Variants in UGGT2 observed in about 807,000 individuals in gnomAD.
The protein encoded by UGGT2 is UDP-glucose:glycoprotein glucosyltransferase 2.
UGGT2 carries 180 observed loss-of-function variants against 192.1 expected under a neutral mutation model. The observed-to-expected ratio is 0.94, with a 90% confidence interval of 0.83 to 1.06. The LOEUF (loss-of-function observed/expected upper bound fraction) is 1.06, where lower values mean the gene tolerates loss of function less well. Ranked by LOEUF, UGGT2 falls within the 50% of genes least tolerant of loss-of-function variation. UGGT2 has a pLI of 0.00. For synonymous variants in UGGT2, 580 were observed against 591.0 expected, an observed-to-expected ratio of 0.98 and a Z score of 0.27; for missense variants, 1,849 against 1,795.7, an observed-to-expected ratio of 1.03 and a Z score of -0.54.
At chr13:95,828,711 C>T (rs1298418039) in intron 38 of UGGT2, among the ~76,000 whole-genome samples, 8 of 152,036 alleles carry the variant, frequency 5.3e-5, no homozygotes, top group East Asian at 3.9e-4. Flanking sequence ...CAGGACCAGA[C>T]GGATTCACAG....
chr13:95,959,154 G>C (rs1006448705), intron 12 of UGGT2, among the ~76,000 whole-genome samples: 1 of 152,198 alleles, frequency 6.6e-6, no homozygotes, highest in African/African-American at 2.4e-5. Flanking sequence ...CTAGGGCCAA[G>C]GCAGAACCAC....
intron 29 of UGGT2, among the ~76,000 whole-genome samples, chr13:95,875,397 CTT>C (rs1227362767): frequency 6.6e-6 from 1 of 152,120 alleles, no homozygotes; most frequent in Non-Finnish European, 1.5e-5. Context: ...TTTTCATTCT[CTT>C]TTTCAGTCAT....
chr13:95,975,259 A>G (rs1232994452), intron 10 of UGGT2, among the ~76,000 whole-genome samples: 2 of 152,198 alleles, frequency 1.3e-5, no homozygotes, highest in African/African-American at 2.4e-5. Flanking sequence ...TTAAGGGCCA[A>G]TCTCAGAAGA....
chr13:95,816,696 A>T (rs957577839), intron 38 of UGGT2, among the ~76,000 whole-genome samples: 23 of 152,262 alleles, frequency 1.5e-4, no homozygotes, highest in Non-Finnish European at 2.9e-4. Flanking sequence ...AACAGAAAGC[A>T]GCTTAGTGAT....
intron 15 of UGGT2, among the ~76,000 whole-genome samples, chr13:95,941,134 T>C (rs1363077842): frequency 1.3e-5 from 2 of 152,174 alleles, no homozygotes; most frequent in Non-Finnish European, 2.9e-5. Context: ...TCAGCTAGCA[T>C]TAAGACATTC....
chr13:95,867,098 G>T (rs2140112225), intron 30 of UGGT2, among the ~76,000 whole-genome samples: 1 of 152,014 alleles, frequency 6.6e-6, no homozygotes, highest in African/African-American at 2.4e-5. Flanking sequence ...GCTACAGATA[G>T]ATTTAGTAGA....
At chr13:95,922,738 G>C (rs193141263) in intron 20 of UGGT2, among the ~76,000 whole-genome samples, 5 of 151,966 alleles carry the variant, frequency 3.3e-5, no homozygotes, top group African/African-American at 1.2e-4. Context: ...TGGGAGGATT[G>C]CTTGAGCCCA....
chr13:95,903,972 T>A (rs1014056115), intron 20 of UGGT2, among the ~76,000 whole-genome samples: 2 of 152,214 alleles, frequency 1.3e-5, no homozygotes, highest in Admixed American at 6.5e-5. Context: ...ATACTAAACA[T>A]CCTTTGATAT....
In UGGT2 at chr13:95,890,954, T is replaced by C. The variant is rs765016103; in HGVS notation, c.2866A>G (p.Thr956Ala). ...FLRENHSVIKTNPQENDMFFN... is the reference protein window; with the variant it reads ...FLRENHSVIKANPQENDMFFN... The stretch of plus-strand genomic sequence containing the variant: ...AACATATCATTCTCTTGAGGATTCG[T>C]CTTTATAACACTAAGAAAATAGAAA... Residue 956 changes from threonine to alanine, a missense_variant, in exon 25 of 39, where the codon ACG (threonine) becomes GCG (alanine). Transcript: ENST00000376747. 1.5e-5 allele frequency: 24 copies of C among 1,608,736 alleles called. No individual in the cohort carries two copies. The highest frequency in any genetic ancestry group is 2.7e-5 in the African/African-American group (2 of 74,758).
chr13:95,915,462 A>G (rs925547302), intron 20 of UGGT2, among the ~76,000 whole-genome samples: 1 of 152,256 alleles, frequency 6.6e-6, no homozygotes, highest in Non-Finnish European at 1.5e-5. Context: ...TAATATTGTA[A>G]ACTAATATAT....
chr13:95,944,490 C>T (rs2049798482), intron 15 of UGGT2, among the ~76,000 whole-genome samples: 1 of 151,978 alleles, frequency 6.6e-6, no homozygotes, highest in Non-Finnish European at 1.5e-5. Context: ...ATGATGTACC[C>T]ATCTCTGAGC....
At chr13:96,006,251 A>G (rs566332704) in intron 5 of UGGT2, among the ~76,000 whole-genome samples, 76 of 152,340 alleles carry the variant, frequency 5.0e-4, no homozygotes, top group African/African-American at 1.8e-3. Flanking sequence ...GCCAAATGGC[A>G]ATGATAGAAA....
intron 36 of UGGT2, among the ~76,000 whole-genome samples, chr13:95,844,746 T>C (rs138227019): frequency 1.3e-3 from 194 of 152,342 alleles, no homozygotes; most frequent in Non-Finnish European, 1.8e-3. Context: ...AGACAGCCAG[T>C]TTTACTTATT....
intron 34 of UGGT2, 91 bp downstream of exon 34, chr13:95,856,067 T>C (rs1889580957): frequency 9.2e-7 from 1 of 1,086,754 alleles, no homozygotes. Flanking sequence ...ATGAAGATAA[T>C]AAACATGAGC....
intron 20 of UGGT2, among the ~76,000 whole-genome samples, chr13:95,921,296 A>G (rs2048837127): frequency 6.6e-6 from 1 of 151,332 alleles, no homozygotes; most frequent in African/African-American, 2.4e-5. Context: ...CCACCATAGC[A>G]TACGTTTATC....
At chr13:95,879,442 G>A (rs916173776) in intron 27 of UGGT2, among the ~76,000 whole-genome samples, 3 of 152,118 alleles carry the variant, frequency 2.0e-5, no homozygotes, top group Middle Eastern at 3.4e-3. Context: ...TTATTTATTT[G>A]TTTGTTTGTT....
chr13:96,008,602 C>T (rs2052056653), intron 5 of UGGT2, among the ~76,000 whole-genome samples: 1 of 152,068 alleles, frequency 6.6e-6, no homozygotes, highest in Non-Finnish European at 1.5e-5. Flanking sequence ...AAACTGGCAG[C>T]CAAATCAGGA....
rs1891786750 is a variant in UGGT2, at chr13:95,877,287, T to C, written c.3465A>G (p.Gln1155=). ...LHQGKSEDIY[Q]IVGHEGTDSQ... is the part of the protein sequence containing the mutation. ...CAGCCTGCATAACTCACCCAACTAT[T>C]TGATAAATATCTTCAGATTTTCCTT... The change falls in exon 29 of 39, where the codon CAA becomes CAG. Residue 1155 remains glutamine (Q), a synonymous_variant. Coordinates refer to ENST00000376747, the MANE Select transcript of UGGT2 (RefSeq NM_020121.4). The C allele has an allele frequency of 5.0e-6, 8 of 1,594,418 alleles. No individual in the cohort carries two copies. In the East Asian group the frequency reaches 1.8e-4, roughly 36 times the overall value.
intron 5 of UGGT2, among the ~76,000 whole-genome samples, chr13:96,010,022 G>C (rs747015947): frequency 6.6e-6 from 1 of 152,102 alleles, no homozygotes; most frequent in Non-Finnish European, 1.5e-5. Context: ...GCAGAAAATA[G>C]TGAATGCACA....
Sources: allele counts gnomAD v4.1 joint callset (sites outside exome capture counted in the v4.1 genomes callset), GRCh38; gene constraint gnomAD v4.1.1; transcripts MANE v1.5; gene names NCBI Gene and HGNC (gene_info 2026-07-23, HGNC 2026-07-21).